Variants in PCDHA6 observed in about 807,000 individuals in gnomAD.
The protein encoded by PCDHA6 is protocadherin alpha-6.
Under a neutral mutation model 60.3 loss-of-function variants are expected in PCDHA6, and 55 were observed. The ratio of observed to expected loss-of-function variants is 0.91; its 90% confidence interval spans 0.73 to 1.14. PCDHA6 has a LOEUF of 1.14. PCDHA6 is among the 50% of genes most tolerant of loss of function. The probability of loss-of-function intolerance (pLI) is 0.00; values close to 1 mark genes in which losing one functional copy is unlikely to be tolerated. For missense variants in PCDHA6, 1,327 were observed against 1,256.5 expected, an observed-to-expected ratio of 1.06 and a Z score of -0.85; for synonymous variants, 652 against 557.9, an observed-to-expected ratio of 1.17 and a Z score of -2.38.
chr5:140,872,667 A>G (rs2053828539), intron 1 of PCDHA6, among the ~76,000 whole-genome samples: 1 of 152,186 alleles, frequency 6.6e-6, no homozygotes, highest in African/African-American at 2.4e-5. Flanking sequence ...CAACTATTGG[A>G]TACTCAAACA....
At chr5:140,892,405 T>C (rs1224393895) in intron 1 of PCDHA6, among the ~76,000 whole-genome samples, 2 of 152,206 alleles carry the variant, frequency 1.3e-5, no homozygotes, top group African/African-American at 2.4e-5. Context: ...ATTTCAAGCT[T>C]CAGGTATTCT....
chr5:140,871,309 C>G (rs1554165416), intron 1 of PCDHA6: 1 of 1,614,028 alleles, frequency 6.2e-7, no homozygotes. Flanking sequence ...GCCGGGGAAG[C>G]CCACGCTGGT....
chr5:140,871,716 C>G (rs1315028077), intron 1 of PCDHA6: 6 of 796,846 alleles, frequency 7.5e-6, no homozygotes, highest in Non-Finnish European at 1.1e-5. Flanking sequence ...TGTCCTATTT[C>G]TCTTAATATT....
At chr5:140,871,532 T>G in intron 1 of PCDHA6, 1 of 1,515,318 alleles carries the variant, frequency 6.6e-7, no homozygotes, top group Non-Finnish European at 8.8e-7. Flanking sequence ...AGGAAGTGTA[T>G]GTGAAATTAT....
At chr5:140,982,607 G>T (rs868934947) in intron 3 of PCDHA6, 44 bp downstream of exon 3, 2 of 1,601,622 alleles carry the variant, frequency 1.2e-6, no homozygotes, top group South Asian at 1.1e-5. Flanking sequence ...TTTCTGGAAA[G>T]TGATCAGATG....
Position 140,828,813 on chromosome 5 carries a change from C to G in PCDHA6, c.722C>G (p.Thr241Ser), listed in dbSNP as rs2150159303. Residue 241 changes from threonine (T) to serine (S), a missense_variant, in exon 1 of 4, where the codon ACT becomes AGT. Physicochemically the swap from Thr to Ser is moderately conservative, Grantham distance 58. Coordinates refer to ENST00000529310, the MANE Select transcript of PCDHA6 (RefSeq NM_018909.4). ...CTGGATGTGAATGATAATGCTCCCA[C>G]TTTCGAACAGTCTGAATACGAAGTA... is the stretch of plus-strand genomic sequence containing the variant. Reference protein sequence around the residue: ...TVLDVNDNAPTFEQSEYEVRI... With the variant: ...TVLDVNDNAPSFEQSEYEVRI... 2.5e-6 allele frequency: 4 copies of G among 1,614,220 alleles called. No individual in the cohort carries two copies. The South Asian group carries it at 4.4e-5, about 18-fold the overall frequency.
At chr5:140,963,220 G>A (rs2095749091) in intron 1 of PCDHA6, among the ~76,000 whole-genome samples, 2 of 152,122 alleles carry the variant, frequency 1.3e-5, no homozygotes, top group East Asian at 1.9e-4. Flanking sequence ...CGTGTTTAGA[G>A]TAGACACTGT....
chr5:140,868,892 A>C (rs1450985948), intron 1 of PCDHA6: 8 of 760,982 alleles, frequency 1.1e-5, no homozygotes, highest in Non-Finnish European at 1.6e-5. Context: ...TTTTAGGCGC[A>C]AGGTGTCGCT....
At chr5:140,903,675 A>G (rs1554191078) in intron 1 of PCDHA6, among the ~76,000 whole-genome samples, 2 of 152,244 alleles carry the variant, frequency 1.3e-5, no homozygotes, top group Non-Finnish European at 2.9e-5. Flanking sequence ...GATATAAAAG[A>G]TGTTTGGTAA....
chr5:140,845,214 TA>T (rs1253125305), intron 1 of PCDHA6, among the ~76,000 whole-genome samples: 2 of 149,518 alleles, frequency 1.3e-5, no homozygotes, highest in South Asian at 2.1e-4. Flanking sequence ...TAAGTCCTTT[TA>T]AAAAATATGA....
chr5:140,858,781 T>C, intron 1 of PCDHA6: 1 of 406,616 alleles, frequency 2.5e-6, no homozygotes, highest in Non-Finnish European at 4.5e-6. Flanking sequence ...TAGTACTTCA[T>C]GTTATTTCAT....
At chr5:140,982,041 A>C (rs1450726743) in intron 2 of PCDHA6, among the ~76,000 whole-genome samples, 2 of 152,268 alleles carry the variant, frequency 1.3e-5, no homozygotes, top group Non-Finnish European at 2.9e-5. Context: ...TCCAATTATC[A>C]GAAAATATTT....
In PCDHA6 at chr5:140,853,170, C is replaced by T. The variant is rs1034307381; in HGVS notation, c.2394+22685C>T. 1.5e-5 allele frequency: 14 copies of T among 964,092 alleles called. 1 individual carries two copies. The highest frequency in any genetic ancestry group is 4.8e-5 in the South Asian group (1 of 20,842). The allele number at this position is 964,092 out of a possible 1,614,324, so 59.7% of individuals were successfully genotyped here. A position where few individuals can be genotyped will look rare whatever the true frequency, so the allele number is the denominator to read the frequency against. ...CTGGGATTACAGGCGTGAGCCACCGCGCCTGGCCTAAAATGTGTTCTTTAT... is the reference window on the plus strand; with the variant it reads ...CTGGGATTACAGGCGTGAGCCACCGTGCCTGGCCTAAAATGTGTTCTTTAT... On this transcript the variant is annotated intron_variant, in intron 1 of 3. Transcript: ENST00000529310.
At chr5:141,007,991 A>G (rs1276879326) in intron 3 of PCDHA6, among the ~76,000 whole-genome samples, 1 of 152,234 alleles carries the variant, frequency 6.6e-6, no homozygotes, top group Non-Finnish European at 1.5e-5. Context: ...TATGAAATGT[A>G]CATGTTAATA....
rs781906273 is a variant in PCDHA6, at chr5:140,869,410, A to G, written c.2394+38925A>G. The G allele has an allele frequency of 3.7e-6, 6 of 1,614,082 alleles. No individual in the cohort carries two copies. The East Asian group carries it at 1.1e-4, about 30-fold the overall frequency. ...GCTGTGCGGGCAGAGCGCGGAGTGCAGCATCCACCTGGAGGTGATCGTGGA... is the reference window on the plus strand; with the variant it reads ...GCTGTGCGGGCAGAGCGCGGAGTGCGGCATCCACCTGGAGGTGATCGTGGA... On this transcript the variant is annotated intron_variant, in intron 1 of 3. Transcript: ENST00000529310.
At chr5:140,914,038 T>C (rs949307049) in intron 1 of PCDHA6, among the ~76,000 whole-genome samples, 14 of 152,206 alleles carry the variant, frequency 9.2e-5, no homozygotes, top group Non-Finnish European at 1.3e-4. Context: ...GAGAAGAATG[T>C]GTATTCTGCA....
intron 1 of PCDHA6, among the ~76,000 whole-genome samples, chr5:140,978,010 T>G (rs2096785841): frequency 6.6e-6 from 1 of 152,156 alleles, no homozygotes; most frequent in African/African-American, 2.4e-5. Flanking sequence ...TTTTTCACAG[T>G]GACATTTTTG....
chr5:140,946,631 T>TATATATATATAC (rs57893927), intron 1 of PCDHA6, among the ~76,000 whole-genome samples: 3,699 of 131,684 alleles, frequency 0.028, 186 homozygotes, highest in East Asian at 0.064. Flanking sequence ...TATATATATA[T>TATATATATATAC]ACAATGGAAT....
chr5:140,863,163 G>A (rs1554157882), intron 1 of PCDHA6: 4 of 658,702 alleles, frequency 6.1e-6, no homozygotes, highest in Non-Finnish European at 1.1e-5. Flanking sequence ...ACTGCGAGCT[G>A]GCGCTGACTG....
Sources: gnomAD v4.1 joint callset for allele counts (sites outside exome capture counted in the v4.1 genomes callset) on GRCh38, gnomAD v4.1.1 for gene constraint, MANE v1.5 for transcripts, NCBI Gene and HGNC (gene_info 2026-07-23, HGNC 2026-07-21) for gene names.